RAB28: variants seen among roughly 807,000 people sequenced by gnomAD.
RAB28 encodes the protein ras-related protein Rab-28.
In RAB28, 24 loss-of-function variants were observed where a neutral mutation model predicts 31.7. The observed-to-expected ratio is 0.76, with a 90% CI of 0.55 to 1.06. RAB28 has a LOEUF of 1.06. RAB28 is among the 50% of genes least tolerant of loss of function. The pLI is 0.00. For synonymous variants in RAB28, 100 were observed against 90.4 expected, an observed-to-expected ratio of 1.11 and a Z score of -0.60; for missense variants, 254 against 258.5, an observed-to-expected ratio of 0.98 and a Z score of 0.12.
intron 4 of RAB28, among the ~76,000 whole-genome samples, chr4:13,418,154 C>T (rs543173178): frequency 7.2e-5 from 11 of 151,970 alleles, no homozygotes; most frequent in South Asian, 4.2e-4. Context: ...AGGGTATCAG[C>T]GATTGAAGAT....
chr4:13,383,213 T>G (rs1233088672), intron 4 of RAB28, among the ~76,000 whole-genome samples: 2 of 152,106 alleles, frequency 1.3e-5, no homozygotes, highest in African/African-American at 2.4e-5. Flanking sequence ...TCAACAAGAG[T>G]AAGAACAAAT....
chr4:13,388,048 T>C (rs1181500888), intron 4 of RAB28, among the ~76,000 whole-genome samples: 1 of 149,342 alleles, frequency 6.7e-6, no homozygotes, highest in Non-Finnish European at 1.5e-5. Context: ...CAGTATTTTG[T>C]AAGATCTTTT....
intron 4 of RAB28, among the ~76,000 whole-genome samples, chr4:13,410,633 G>A (rs1342870897): frequency 1.3e-5 from 2 of 152,092 alleles, no homozygotes; most frequent in Non-Finnish European, 2.9e-5. Flanking sequence ...AAATATGAAT[G>A]TGAGGCCACA....
chr4:13,418,153 G>C (rs1712908262), intron 4 of RAB28, among the ~76,000 whole-genome samples: 1 of 152,180 alleles, frequency 6.6e-6, no homozygotes, highest in Admixed American at 6.5e-5. Context: ...AAGGGTATCA[G>C]CGATTGAAGA....
intron 3 of RAB28, among the ~76,000 whole-genome samples, chr4:13,472,307 C>T (rs993857156): frequency 6.6e-6 from 1 of 151,738 alleles, no homozygotes; most frequent in African/African-American, 2.4e-5. Flanking sequence ...GCCACTGCGC[C>T]TAGCTGATTA....
At position 13,456,294 on chromosome 4, in the gene RAB28, C is replaced by T. The variant is rs563533492; in HGVS notation, c.391+4405G>A. Among the ~76,000 whole-genome samples the T allele has an allele frequency of 1.4e-4, 21 of 152,272 alleles. No homozygotes were observed. The East Asian group carries it at 3.7e-3, about 27-fold the overall frequency. ...ATAAACATTTTCTCCAGGAAAGTTTCACAGAACATGAATTTTAGCTCTACT... is the reference window on the plus strand; with the variant it reads ...ATAAACATTTTCTCCAGGAAAGTTTTACAGAACATGAATTTTAGCTCTACT... On this transcript the variant is annotated intron_variant, in intron 4 of 6. Coordinates refer to ENST00000330852, the MANE Select transcript of RAB28 (RefSeq NM_001017979.3).
At chr4:13,402,562 A>G (rs1711832391) in intron 4 of RAB28, among the ~76,000 whole-genome samples, 1 of 152,188 alleles carries the variant, frequency 6.6e-6, no homozygotes, top group Non-Finnish European at 1.5e-5. Flanking sequence ...TCTTTTGATT[A>G]GTCTTTGCAA....
At chr4:13,412,846 T>C (rs1248313403) in intron 4 of RAB28, among the ~76,000 whole-genome samples, 1 of 152,060 alleles carries the variant, frequency 6.6e-6, no homozygotes, top group African/African-American at 2.4e-5. Flanking sequence ...TCAGAGAAGT[T>C]ATGGTAAGAT....
At chr4:13,379,180 C>A (rs1307153416) in intron 5 of RAB28, among the ~76,000 whole-genome samples, 1 of 143,626 alleles carries the variant, frequency 7.0e-6, no homozygotes, top group Non-Finnish European at 1.5e-5. Flanking sequence ...CACTCCAGCC[C>A]GGAGGACACA....
chr4:13,420,717 T>C (rs1332557639), intron 4 of RAB28, among the ~76,000 whole-genome samples: 1 of 152,192 alleles, frequency 6.6e-6, no homozygotes, highest in African/African-American at 2.4e-5. Context: ...CCCATGATGC[T>C]AAAAACTTTC....
At chr4:13,414,426 C>A (rs1227033852) in intron 4 of RAB28, among the ~76,000 whole-genome samples, 1 of 152,082 alleles carries the variant, frequency 6.6e-6, no homozygotes, top group African/African-American at 2.4e-5. Context: ...GAAGCAACAC[C>A]AAATTCTCGT....
chr4:13,385,795 C>T (rs1457450193), intron 4 of RAB28, among the ~76,000 whole-genome samples: 1 of 152,120 alleles, frequency 6.6e-6, no homozygotes, highest in African/African-American at 2.4e-5. Flanking sequence ...AACCAGCTAA[C>T]CTCATGATGA....
rs1716770973 is a variant in RAB28 at position 13,484,307 on chromosome 4, C to T, written c.-157G>A. 2 of 628,644 alleles carry T rather than the reference C, an allele frequency of 3.2e-6. No homozygotes were observed. The highest frequency in any genetic ancestry group is 5.7e-5 in the East Asian group (2 of 35,148). 38.9% of individuals were successfully genotyped at this position (628,644 alleles called of 1,614,324 possible). A position where few individuals can be genotyped will look rare whatever the true frequency, so the allele number is the denominator to read the frequency against. The stretch of plus-strand genomic sequence containing the variant: ...GAGGTATTCGAGGAGAATCACTCGG[C>T]AAGCGCCATCTTGCCCACCTCCCCG... On this transcript the variant is annotated 5_prime_UTR_variant, in exon 1 of 7. Transcript: ENST00000330852.
At position 13,367,917 on chromosome 4, in the gene RAB28, C is replaced by T. The variant is rs929284945; in HGVS notation, c.*641G>A. 12 of 981,316 alleles carry T rather than the reference C, an allele frequency of 1.2e-5. No homozygotes were observed. Among genetic ancestry groups the T allele is most frequent in the Non-Finnish European group, 1.5e-5 (12 of 826,548 alleles). 60.8% of individuals were successfully genotyped at this position (981,316 alleles called of 1,614,324 possible). ...AGTATTACACAATACATAACGACAA[C>T]GATACAGTAATAAAAATACAATATC... is the stretch of plus-strand genomic sequence containing the variant. On this transcript the variant is annotated 3_prime_UTR_variant, in exon 7 of 7. Transcript: ENST00000330852.
chr4:13,471,468 C>T (rs995779087), intron 3 of RAB28, among the ~76,000 whole-genome samples: 12 of 152,102 alleles, frequency 7.9e-5, no homozygotes, highest in Non-Finnish European at 1.5e-4. Flanking sequence ...TTTGGAATCT[C>T]TGGAAAGCAG....
chr4:13,398,218 T>C (rs959759771), intron 4 of RAB28, among the ~76,000 whole-genome samples: 1 of 152,150 alleles, frequency 6.6e-6, no homozygotes, highest in Non-Finnish European at 1.5e-5. Context: ...GCATATATCA[T>C]CAAAAGCCTA....
rs1209219755 is a variant in RAB28, at chr4:13,484,057, GGCCT to G, written c.75+15_75+18del. 1 of 1,581,074 alleles carries G rather than the reference GGCCT, an allele frequency of 6.3e-7. No homozygotes were observed. Among genetic ancestry groups the G allele is most frequent in the Non-Finnish European group, 8.6e-7 (1 of 1,163,916 alleles). On this transcript the variant is annotated intron_variant, in intron 1 of 6. Transcript: ENST00000330852. ...GGGTTCCTGCAGGCCTGGGACGGCG[GGCCT>G]GCTCGAGGACTGACCTTCCCGGAGG...
intron 3 of RAB28, among the ~76,000 whole-genome samples, chr4:13,471,048 A>G (rs1045862010): frequency 6.6e-6 from 1 of 152,126 alleles, no homozygotes; most frequent in Admixed American, 6.6e-5. Context: ...CCAGACATGT[A>G]TAATTCTTTC....
intron 6 of RAB28, among the ~76,000 whole-genome samples, chr4:13,374,654 A>G (rs1448972195): frequency 2.0e-5 from 3 of 152,094 alleles, no homozygotes; most frequent in East Asian, 1.9e-4. Context: ...CTCTTATCCA[A>G]TAATTCCACA....
Sources: gnomAD v4.1 joint callset for allele counts (sites outside exome capture counted in the v4.1 genomes callset) on GRCh38, gnomAD v4.1.1 for gene constraint, MANE v1.5 for transcripts, NCBI Gene and HGNC (gene_info 2026-07-23, HGNC 2026-07-21) for gene names.